Variants in TRIM7 observed in about 807,000 individuals in gnomAD.
TRIM7 encodes the protein tripartite motif containing 7.
In TRIM7, 32 loss-of-function variants were observed where a neutral mutation model predicts 37.9. The observed-to-expected ratio is 0.84, with a 90% confidence interval of 0.64 to 1.13. The LOEUF (loss-of-function observed/expected upper bound fraction) is 1.13, where lower values mean the gene tolerates loss of function less well. Ranked by LOEUF, TRIM7 falls within the 50% of genes most tolerant of loss-of-function variation. The probability of loss-of-function intolerance (pLI) is 0.00; values close to 1 mark genes in which losing one functional copy is unlikely to be tolerated. For synonymous variants in TRIM7, 351 were observed against 321.3 expected (o/e 1.09, Z -0.99); for missense variants, 732 against 714.0 (o/e 1.03, Z -0.29).
At chr5:181,195,746 G>GC in intron 6 of TRIM7, 69 bp from the exon 7 acceptor site, 1 of 1,490,076 alleles carries the variant, frequency 6.7e-7, no homozygotes, top group Non-Finnish European at 8.9e-7. Context: ...GCAGGGCCGC[G>GC]CCCGACCTTG....
At chr5:181,204,107 G>A (rs1194494213) in intron 1 of TRIM7, 5 of 997,528 alleles carry the variant, frequency 5.0e-6, no homozygotes, top group Non-Finnish European at 6.0e-6. Flanking sequence ...CTAGGTGCGC[G>A]GCTTAACCCG....
intron 2 of TRIM7, 90 bp downstream of exon 2, chr5:181,203,455 C>A: frequency 6.4e-7 from 1 of 1,568,988 alleles, no homozygotes; most frequent in Non-Finnish European, 8.6e-7. Context: ...TTCCATAGCA[C>A]ACACTCCAAC....
Position 181,195,347 on chromosome 5 carries a change from G to T in TRIM7, c.1355C>A (p.Pro452His), listed in dbSNP as rs1378390014. The T allele has an allele frequency of 6.3e-7, 1 of 1,583,142 alleles. No individual in the cohort carries two copies. Among genetic ancestry groups the T allele is most frequent in the Non-Finnish European group, 8.6e-7 (1 of 1,165,142 alleles). ...YWAVTSPERSPLSCGHLSRVR... is the reference protein window; with the variant it reads ...YWAVTSPERSHLSCGHLSRVR... ...GCGCGACAGGTGCCCGCAGCTGAGG[G>T]GCGACCGCTCGGGGCTGGTCACGGC... The change falls in exon 7 of 7, where the codon CCC becomes CAC. Residue 452 changes from proline to histidine, a missense_variant. Transcript: ENST00000274773.
At chr5:181,201,612 T>A (rs1489405624) in intron 2 of TRIM7, among the ~76,000 whole-genome samples, 1 of 151,858 alleles carries the variant, frequency 6.6e-6, no homozygotes, top group Non-Finnish European at 1.5e-5. Flanking sequence ...AAAAATAAAT[T>A]AAAAATTAGC....
intron 5 of TRIM7, 112 bp from the exon 6 acceptor site, chr5:181,198,330 G>A: frequency 8.6e-7 from 1 of 1,164,316 alleles, no homozygotes; most frequent in African/African-American, 1.5e-5. Context: ...AGACTCCTAA[G>A]GCCAAGAGTG....
rs986650355 is a variant in TRIM7, at chr5:181,195,099, C to T, written c.*67G>A. Reference sequence around the variant, plus strand: ...GAGGGCAGACCCAAGACGGACCAGGCATCTCTGGGGAGGCGACATCCCCTC... The same window carrying T: ...GAGGGCAGACCCAAGACGGACCAGGTATCTCTGGGGAGGCGACATCCCCTC... On this transcript the variant is annotated 3_prime_UTR_variant, in exon 7 of 7. Coordinates refer to ENST00000274773, the MANE Select transcript of TRIM7 (RefSeq NM_203293.3). The T allele has an allele frequency of 1.3e-5, 20 of 1,529,220 alleles. No homozygotes were observed. The Admixed American group carries it at 3.2e-4, about 24-fold the overall frequency. The allele number at this position is 1,529,220 out of a possible 1,614,324, so 94.7% of individuals were successfully genotyped here.
At position 181,204,734 on chromosome 5, in the gene TRIM7, G is replaced by T; in HGVS notation, c.377C>A (p.Ala126Glu). ...HGSQAAAARAAAARCGQHGEP... is the reference protein window; with the variant it reads ...HGSQAAAARAEAARCGQHGEP... ...GCCATGCTGCCCGCAGCGGGCAGCC[G>T]CTGCCCGGGCCGCGGCCGCCTGAGA... Residue 126 changes from alanine (A) to glutamate (E), a missense_variant, in exon 1 of 7, where the codon GCG (alanine) becomes GAG (glutamate). Physicochemically the swap from Ala to Glu is moderately radical, Grantham distance 107 (BLOSUM62 -1). Transcript: ENST00000274773. 1.4e-6 allele frequency: 2 copies of T among 1,466,362 alleles called. No homozygotes were observed. Among genetic ancestry groups the T allele is most frequent in the Non-Finnish European group, 1.8e-6 (2 of 1,118,424 alleles). 90.8% of individuals were successfully genotyped at this position (1,466,362 alleles called of 1,614,324 possible). A position where few individuals can be genotyped will look rare whatever the true frequency, so the allele number is the denominator to read the frequency against.
intron 1 of TRIM7, chr5:181,204,285 T>C: frequency 9.1e-7 from 1 of 1,101,306 alleles, no homozygotes; most frequent in Non-Finnish European, 1.1e-6. Flanking sequence ...CAGACCAGGC[T>C]AGAGGCTCCG....
Position 181,198,235 on chromosome 5 carries a change from A to G in TRIM7, c.989-17T>C, listed in dbSNP as rs1350026777. On this transcript the variant is annotated splice_polypyrimidine_tract_variant and intron_variant, in intron 5 of 6. Transcript: ENST00000274773. Reference sequence around the variant, plus strand: ...GAAGGTCCTCTGAGGAGGAGAAACAAAGCAAGGCGTGCATGAGCGACACGG... The same window carrying G: ...GAAGGTCCTCTGAGGAGGAGAAACAGAGCAAGGCGTGCATGAGCGACACGG... The G allele has an allele frequency of 6.2e-7, 1 of 1,613,976 alleles. No homozygotes were observed. The highest frequency in any genetic ancestry group is 8.5e-7 in the Non-Finnish European group (1 of 1,179,930).
chr5:181,201,638 A>C (rs751474611), intron 2 of TRIM7, among the ~76,000 whole-genome samples: 2 of 152,208 alleles, frequency 1.3e-5, no homozygotes, highest in Non-Finnish European at 2.9e-5. Context: ...GTAGTAGTGC[A>C]CACCTGTAGT....
chr5:181,199,540 T>G, intron 3 of TRIM7: 1 of 478,780 alleles, frequency 2.1e-6, no homozygotes, highest in Non-Finnish European at 3.7e-6. Context: ...TTTATAACTT[T>G]TTTTTTAGCG....
rs548739148 is a variant in TRIM7 at position 181,195,841 on chromosome 5, G to A, written c.1025-164C>T. The A allele has an allele frequency of 7.9e-5, 69 of 870,180 alleles. No individual in the cohort carries two copies. In the African/African-American group the frequency reaches 1.1e-3, roughly 14 times the overall value. The allele number at this position is 870,180 out of a possible 1,614,324, so 53.9% of individuals were successfully genotyped here. A position where few individuals can be genotyped will look rare whatever the true frequency, so the allele number is the denominator to read the frequency against. ...ACCAACCCCCACGCTCTGCCTCCCAGAGATTTTGCTTCCCCCCGCCCCGAC... is the reference window on the plus strand; with the variant it reads ...ACCAACCCCCACGCTCTGCCTCCCAAAGATTTTGCTTCCCCCCGCCCCGAC... On this transcript the variant is annotated intron_variant, in intron 6 of 6. Coordinates refer to ENST00000274773, the MANE Select transcript of TRIM7 (RefSeq NM_203293.3).
At chr5:181,200,996 A>G in intron 2 of TRIM7, 3 of 832,450 alleles carry the variant, frequency 3.6e-6, no homozygotes, top group Non-Finnish European at 4.3e-6. Context: ...GGGAGGGTGC[A>G]CTTCCCTTCA....
intron 1 of TRIM7, 23 bp downstream of exon 1, chr5:181,204,566 G>C: frequency 7.3e-7 from 1 of 1,362,850 alleles, no homozygotes; most frequent in South Asian, 1.8e-5. Flanking sequence ...GGGACCCACG[G>C]GGTGGGTGGG....
intron 2 of TRIM7, chr5:181,203,133 T>C (rs1481284001): frequency 4.4e-6 from 2 of 451,394 alleles, no homozygotes; most frequent in Non-Finnish European, 6.0e-6. Context: ...TTCACTACTG[T>C]TTTGTTGACA....
chr5:181,200,964 C>G lies in TRIM7; in HGVS notation c.619-883G>C, dbSNP rs956993256. On this transcript the variant is annotated intron_variant, in intron 2 of 6. Transcript: ENST00000274773. ...AGCGCCTTATGGATATTAACTCCCT[C>G]AACCCTGACGGCAGCCCAGTGGGGA... is the stretch of plus-strand genomic sequence containing the variant. 5 of 980,026 alleles carry G rather than the reference C, an allele frequency of 5.1e-6. No individual in the cohort carries two copies. In the African/African-American group the frequency reaches 8.8e-5, roughly 17 times the overall value. The allele number at this position is 980,026 out of a possible 1,614,324, so 60.7% of individuals were successfully genotyped here. A position where few individuals can be genotyped will look rare whatever the true frequency, so the allele number is the denominator to read the frequency against.
intron 6 of TRIM7, 180 bp from the exon 7 acceptor site, chr5:181,195,857 C>A: frequency 1.5e-6 from 1 of 662,356 alleles, no homozygotes; most frequent in Non-Finnish European, 2.3e-6. Flanking sequence ...TTGCTTCCCC[C>A]CGCCCCGACC....
At position 181,197,887 on chromosome 5, in the gene TRIM7, G is replaced by A. The variant is rs1026211308; in HGVS notation, c.1024+296C>T. ...AGAGGTTTCCATCCATCTTGGAGTG[G>A]GGACCGGGTAGAGGCTCACCCAGGT... On this transcript the variant is annotated intron_variant, in intron 6 of 6. Coordinates refer to ENST00000274773, the MANE Select transcript of TRIM7 (RefSeq NM_203293.3). The A allele has an allele frequency of 2.5e-5, 12 of 472,006 alleles. No homozygotes were observed. The Admixed American group carries it at 2.7e-4, about 11-fold the overall frequency. The allele number at this position is 472,006 out of a possible 1,614,324, so 29.2% of individuals were successfully genotyped here.
In TRIM7 at chr5:181,203,438, T is replaced by A. The variant is rs552503110; in HGVS notation, c.618+107A>T. 1.6e-5 allele frequency: 25 copies of A among 1,539,762 alleles called. No homozygotes were observed. In the Middle Eastern group the frequency reaches 5.3e-4, roughly 32 times the overall value. ...ACTCTATTATCTTTCTGAAATCGAT[T>A]CTGCGGTTCCATAGCACACACTCCA... On this transcript the variant is annotated intron_variant, in intron 2 of 6. Coordinates refer to ENST00000274773, the MANE Select transcript of TRIM7 (RefSeq NM_203293.3).
Sources: gnomAD v4.1 joint callset for allele counts (sites outside exome capture counted in the v4.1 genomes callset) on GRCh38, gnomAD v4.1.1 for gene constraint, MANE v1.5 for transcripts, NCBI Gene and HGNC (gene_info 2026-07-23, HGNC 2026-07-21) for gene names.